LDB2: variants seen among roughly 807,000 people sequenced by gnomAD.
LDB2 encodes LIM domain binding 2.
Under a neutral mutation model 44.3 loss-of-function variants are expected in LDB2, and 12 were observed. That is an observed-to-expected ratio of 0.27 (90% confidence interval 0.17 to 0.44). LDB2 has a LOEUF of 0.44. Among genes scored for constraint, LDB2 ranks in the 20% least tolerant of loss-of-function variants. LDB2 has a pLI of 1.00. For synonymous variants in LDB2, 164 were observed against 174.8 expected, an observed-to-expected ratio of 0.94 and a Z score of 0.49; for missense variants, 344 against 473.5, an observed-to-expected ratio of 0.73 and a Z score of 2.54.
chr4:16,753,961 C>T (rs1411901925), intron 2 of LDB2, among the ~76,000 whole-genome samples: 1 of 152,134 alleles, frequency 6.6e-6, no homozygotes, highest in Non-Finnish European at 1.5e-5. Context: ...TTACATGCAC[C>T]ATCCCATCAA....
At chr4:16,829,446 A>AT (rs1330866519) in intron 1 of LDB2, among the ~76,000 whole-genome samples, 1 of 152,200 alleles carries the variant, frequency 6.6e-6, no homozygotes, top group Admixed American at 6.5e-5. Context: ...AACACAATTT[A>AT]TTTTTTAAAA....
At chr4:16,763,574 G>A (rs1252824065) in intron 1 of LDB2, among the ~76,000 whole-genome samples, 1 of 151,924 alleles carries the variant, frequency 6.6e-6, no homozygotes, top group African/African-American at 2.4e-5. Context: ...CTAAGTGTTG[G>A]GTATAGGCCA....
chr4:16,507,104 T>TC (rs1463914736), intron 7 of LDB2: 1 of 152,184 alleles, frequency 6.6e-6, no homozygotes, highest in Non-Finnish European at 1.5e-5. Context: ...TTTGGCTTTT[T>TC]CCCCCTGATC....
chr4:16,898,179 G>A (rs1259811869), intron 1 of LDB2, among the ~76,000 whole-genome samples, 175 bp downstream of exon 1: 2 of 151,794 alleles, frequency 1.3e-5, no homozygotes, highest in African/African-American at 4.8e-5. Context: ...TACAAGAGTT[G>A]CTGTGCCTGG....
chr4:16,647,210 T>C (rs1254051930), intron 2 of LDB2, among the ~76,000 whole-genome samples: 2 of 152,172 alleles, frequency 1.3e-5, no homozygotes, highest in African/African-American at 4.8e-5. Context: ...AGTCACAAAA[T>C]ACCCCATGCA....
chr4:16,892,234 C>T (rs1043412713), intron 1 of LDB2, among the ~76,000 whole-genome samples: 1 of 152,136 alleles, frequency 6.6e-6, no homozygotes, highest in South Asian at 2.1e-4. Flanking sequence ...TATGTCTCCC[C>T]TCTTTATCAA....
At chr4:16,701,985 T>C (rs1394274080) in intron 2 of LDB2, among the ~76,000 whole-genome samples, 2 of 152,244 alleles carry the variant, frequency 1.3e-5, no homozygotes, top group African/African-American at 4.8e-5. Flanking sequence ...ATTGCTATCA[T>C]TATTGCCACT....
intron 2 of LDB2, among the ~76,000 whole-genome samples, chr4:16,632,306 C>T (rs944770777): frequency 5.3e-5 from 8 of 152,106 alleles, no homozygotes; most frequent in African/African-American, 1.9e-4. Context: ...TGTAATCCAC[C>T]ACATAAACAG....
At chr4:16,605,697 C>G (rs1723737641) in intron 2 of LDB2, among the ~76,000 whole-genome samples, 1 of 152,176 alleles carries the variant, frequency 6.6e-6, no homozygotes, top group African/African-American at 2.4e-5. Context: ...ATCCCACTTC[C>G]AGACAGGCCA....
chr4:16,585,098 A>G (rs1189794070), intron 5 of LDB2, among the ~76,000 whole-genome samples: 2 of 152,138 alleles, frequency 1.3e-5, no homozygotes, highest in African/African-American at 4.8e-5. Flanking sequence ...GGAGAGAACA[A>G]CTTCATAGAC....
chr4:16,544,930 A>G (rs765348510), intron 5 of LDB2, among the ~76,000 whole-genome samples: 4 of 152,190 alleles, frequency 2.6e-5, no homozygotes, highest in Admixed American at 2.6e-4. Context: ...GGAAACAGGT[A>G]TGAAAAGAGA....
chr4:16,841,229 A>T (rs150385989), intron 1 of LDB2, among the ~76,000 whole-genome samples: 3 of 149,478 alleles, frequency 2.0e-5, no homozygotes, highest in African/African-American at 7.2e-5. Flanking sequence ...ACATTTCTGA[A>T]CAGACCTGAA....
intron 2 of LDB2, among the ~76,000 whole-genome samples, chr4:16,698,046 C>G (rs1427421498): frequency 6.6e-6 from 1 of 152,158 alleles, no homozygotes; most frequent in Non-Finnish European, 1.5e-5. Context: ...GTGCCCTGTT[C>G]AACGTTCTAC....
rs559061509 is a variant in LDB2 at position 16,610,128 on chromosome 4, T to C, written c.236-14253A>G. Among the ~76,000 whole-genome samples the C allele has an allele frequency of 1.8e-4, 27 of 151,702 alleles. 2 individuals carry two copies. The South Asian group carries it at 4.6e-3, about 26-fold the overall frequency. Reference sequence around the variant, plus strand: ...CCCCTACAGAAGAGGGAGTTGACTATTGAAAGAAAAACAAACAAGCAGAAA... The same window carrying C: ...CCCCTACAGAAGAGGGAGTTGACTACTGAAAGAAAAACAAACAAGCAGAAA... On this transcript the variant is annotated intron_variant, in intron 2 of 7. Transcript: ENST00000304523.
intron 5 of LDB2, among the ~76,000 whole-genome samples, chr4:16,560,547 A>G (rs1741720368): frequency 6.6e-6 from 1 of 152,186 alleles, no homozygotes; most frequent in Non-Finnish European, 1.5e-5. Context: ...TAGACCAATA[A>G]CAGTCTCTGA....
At chr4:16,584,717 C>T (rs1577987859) in intron 5 of LDB2, among the ~76,000 whole-genome samples, 1 of 152,222 alleles carries the variant, frequency 6.6e-6, no homozygotes, top group Non-Finnish European at 1.5e-5. Flanking sequence ...ACAGGTCTGA[C>T]CTCAGTCTTC....
chr4:16,898,402 T>G lies in LDB2; in HGVS notation c.84A>C (p.Pro28=). ...YRRHTPYMVQ[P]EYRIYEMNKR... ...TGTTCATCTCATAGATTCGGTACTC[T>G]GGCTGTACCATGTATGGTGTATGCC... Residue 28 remains proline, a synonymous_variant, in exon 1 of 8, where the codon CCA becomes CCC. Transcript: ENST00000304523. 1 of 1,613,798 alleles carries G rather than the reference T, an allele frequency of 6.2e-7. No homozygotes were observed.
intron 2 of LDB2, among the ~76,000 whole-genome samples, chr4:16,635,635 G>A (rs1733381295): frequency 6.6e-6 from 1 of 151,742 alleles, no homozygotes; most frequent in Admixed American, 6.6e-5. Context: ...CCATTACAGA[G>A]TTTATGCTTT....
At chr4:16,835,817 G>A (rs941733213) in intron 1 of LDB2, among the ~76,000 whole-genome samples, 7 of 152,126 alleles carry the variant, frequency 4.6e-5, no homozygotes, top group Non-Finnish European at 2.9e-5. Context: ...TTTGTTTTGA[G>A]GTAACTCAAA....
Sources: gnomAD v4.1 joint callset for allele counts (sites outside exome capture counted in the v4.1 genomes callset) on GRCh38, gnomAD v4.1.1 for gene constraint, MANE v1.5 for transcripts, NCBI Gene and HGNC (gene_info 2026-07-23, HGNC 2026-07-21) for gene names.